XNDC1N: variants seen among roughly 807,000 people sequenced by gnomAD.
The protein encoded by XNDC1N is protein XNDC1N.
At chr11:71,889,787 A>G in the XNDC1N span, among the ~76,000 whole-genome samples, 1 of 152,124 alleles carries the variant, frequency 6.6e-6, no homozygotes, top group East Asian at 1.9e-4. Context: ...CTCCAAGTGG[A>G]CTTCACAGAG....
At chr11:71,873,868 G>A in the XNDC1N span, among the ~76,000 whole-genome samples, 2 of 152,160 alleles carry the variant, frequency 1.3e-5, no homozygotes, top group East Asian at 3.8e-4. Context: ...GATTTAATTT[G>A]CATTTTAGAA....
chr11:71,895,392 T>C, the XNDC1N span, among the ~76,000 whole-genome samples: 4,237 of 148,658 alleles, frequency 0.029, 70 homozygotes, highest in East Asian at 0.08. Flanking sequence ...TCACTGCAAC[T>C]TCTGCCTCCC....
At chr11:71,878,555 A>C in the XNDC1N span, 1 of 1,587,186 alleles carries the variant, frequency 6.3e-7, no homozygotes, top group East Asian at 2.2e-5. Flanking sequence ...AAATATAAGT[A>C]AAAGAAAATG....
chr11:71,927,014 C>T, the XNDC1N span, among the ~76,000 whole-genome samples: 11 of 152,082 alleles, frequency 7.2e-5, no homozygotes, highest in African/African-American at 9.7e-5. Context: ...CTTTGGGAGG[C>T]GGAGGCTCAG....
the XNDC1N span, among the ~76,000 whole-genome samples, chr11:71,875,814 C>T: frequency 3.3e-5 from 5 of 152,172 alleles, no homozygotes; most frequent in South Asian, 4.2e-4. Context: ...TCACTTGAGG[C>T]CAAGAGTTCA....
At chr11:71,884,971 T>G in the XNDC1N span, among the ~76,000 whole-genome samples, 8 of 150,934 alleles carry the variant, frequency 5.3e-5, no homozygotes, top group East Asian at 9.8e-4. Context: ...ATGCAGGGAG[T>G]AAGAGCCAGC....
chr11:71,866,850 G>A, the XNDC1N span, among the ~76,000 whole-genome samples: 1 of 151,936 alleles, frequency 6.6e-6, no homozygotes, highest in African/African-American at 2.4e-5. Flanking sequence ...TTAGAAGTTT[G>A]TTTTGTTCTT....
At chr11:71,891,252 C>G in the XNDC1N span, among the ~76,000 whole-genome samples, 1 of 151,938 alleles carries the variant, frequency 6.6e-6, no homozygotes, top group Non-Finnish European at 1.5e-5. Flanking sequence ...TCCTCTCTCC[C>G]TGTGGATATT....
the XNDC1N span, among the ~76,000 whole-genome samples, chr11:71,888,313 C>A: frequency 1.3e-5 from 2 of 152,166 alleles, no homozygotes; most frequent in Non-Finnish European, 2.9e-5. Flanking sequence ...GAGCTGAAGG[C>A]AGGTGAGAGA....
the XNDC1N span, chr11:71,928,427 C>G: frequency 5.7e-6 from 4 of 701,694 alleles, no homozygotes; most frequent in African/African-American, 7.0e-5. Context: ...AACCTATTCT[C>G]CCGCCAATTC....
chr11:71,894,649 T>A, the XNDC1N span, among the ~76,000 whole-genome samples: 364 of 152,300 alleles, frequency 2.4e-3, no homozygotes, highest in Middle Eastern at 0.01. Flanking sequence ...CTCTTTTAGT[T>A]TCTGAGCAAT....
chr11:71,891,641 A>G, the XNDC1N span, among the ~76,000 whole-genome samples: 6 of 152,076 alleles, frequency 3.9e-5, no homozygotes, highest in African/African-American at 1.2e-4. Flanking sequence ...GGATATTAGG[A>G]AGAATATCAC....
the XNDC1N span, chr11:71,928,241 G>C: frequency 1.8e-6 from 1 of 546,214 alleles, no homozygotes; most frequent in South Asian, 2.3e-5. Context: ...AGTTTCGGGA[G>C]CTCAAGCCGC....
the XNDC1N span, among the ~76,000 whole-genome samples, chr11:71,875,245 T>C: frequency 6.6e-6 from 1 of 151,520 alleles, no homozygotes; most frequent in Non-Finnish European, 1.5e-5. Context: ...TAATACTTAT[T>C]AATAAATAAA....
the XNDC1N span, chr11:71,917,888 G>T: frequency 4.8e-6 from 3 of 629,240 alleles, no homozygotes; most frequent in Non-Finnish European, 8.6e-6. Context: ...AGCCAGAAAG[G>T]TTCAGCGATA....
the XNDC1N span, chr11:71,893,895 C>T: frequency 2.1e-6 from 2 of 973,672 alleles, no homozygotes; most frequent in South Asian, 1.4e-5. Context: ...ACCTCTGTGT[C>T]TTCTTCGTTT....
chr11:71,922,664 G>A, the XNDC1N span, among the ~76,000 whole-genome samples: 1 of 152,126 alleles, frequency 6.6e-6, no homozygotes, highest in Admixed American at 6.5e-5. Context: ...GAAGCCTGGG[G>A]GCCAGGGATG....
At chr11:71,915,883 G>A in the XNDC1N span, among the ~76,000 whole-genome samples, 2 of 152,158 alleles carry the variant, frequency 1.3e-5, no homozygotes, top group African/African-American at 4.8e-5. Context: ...CATATTCCAC[G>A]TGTGAGACAG....
chr11:71,889,775 G>A, the XNDC1N span, among the ~76,000 whole-genome samples: 7 of 152,144 alleles, frequency 4.6e-5, no homozygotes, highest in African/African-American at 1.7e-4. Context: ...CCCTTTGAAG[G>A]TCTCCAAGTG....
Sources: gnomAD v4.1 joint callset for allele counts (sites outside exome capture counted in the v4.1 genomes callset) on GRCh38, gnomAD v4.1.1 for gene constraint, MANE v1.5 for transcripts, NCBI Gene and HGNC (gene_info 2026-07-23, HGNC 2026-07-21) for gene names.